The following HPGDS variants were observed in gnomAD, a reference collection of about 807,000 sequenced individuals.
HPGDS encodes the protein GST class-sigma.
Under a neutral mutation model 23.1 loss-of-function variants are expected in HPGDS, and 26 were observed. The ratio of observed to expected loss-of-function variants is 1.13; its 90% CI spans 0.83 to 1.56. HPGDS has a LOEUF of 1.56. Among genes scored for constraint, HPGDS ranks in the 40% most tolerant of loss-of-function variants. The pLI is 0.00. For synonymous variants in HPGDS, 95 were observed against 77.9 expected (o/e 1.22, Z -1.16); for missense variants, 268 against 236.4 (o/e 1.13, Z -0.88).
intron 3 of HPGDS, among the ~76,000 whole-genome samples, chr4:94,312,052 G>T (rs1400029268): frequency 3.3e-5 from 5 of 152,112 alleles, no homozygotes. Flanking sequence ...AGTGTTGCCA[G>T]CAGTCTATCA....
At chr4:94,322,681 C>A (rs1756540283) in intron 2 of HPGDS, among the ~76,000 whole-genome samples, 1 of 152,124 alleles carries the variant, frequency 6.6e-6, no homozygotes, top group African/African-American at 2.4e-5. Context: ...TGCTAGCAGT[C>A]TATCAATTTT....
At chr4:94,311,216 G>T (rs930220083) in intron 3 of HPGDS, among the ~76,000 whole-genome samples, 4 of 152,052 alleles carry the variant, frequency 2.6e-5, no homozygotes, top group Non-Finnish European at 5.9e-5. Flanking sequence ...TCTTGTGCCA[G>T]TTTTCAAAGG....
chr4:94,334,504 G>T lies in HPGDS; in HGVS notation c.126C>A (p.Ile42=). 2 of 1,589,410 alleles carry T rather than the reference G, an allele frequency of 1.3e-6. No homozygotes were observed. Among genetic ancestry groups the T allele is most frequent in the East Asian group, 2.3e-5 (1 of 43,716 alleles). The change falls in exon 2 of 6, where the codon ATC becomes ATA. Residue 42 remains isoleucine, a synonymous_variant. Transcript: ENST00000295256. ...HRIEQADWPE[I]KSTLPFGKIP... is the part of the protein sequence containing the mutation. ...ATTATTTTTGCTACTTACTTGATTTGATTTCAGGCCAGTCAGCTTGTTCTA... is the reference window on the plus strand; with the variant it reads ...ATTATTTTTGCTACTTACTTGATTTTATTTCAGGCCAGTCAGCTTGTTCTA...
At chr4:94,307,510 T>C (rs369723368) in intron 4 of HPGDS, among the ~76,000 whole-genome samples, 6 of 152,038 alleles carry the variant, frequency 3.9e-5, no homozygotes, top group African/African-American at 1.4e-4. Flanking sequence ...AAATAAACAA[T>C]GGAGTAAACA....
chr4:94,340,301 C>CTTTTTTTTT (rs763895285), intron 1 of HPGDS, among the ~76,000 whole-genome samples: 1 of 32,172 alleles, frequency 3.1e-5, no homozygotes, highest in African/African-American at 1.1e-4. Context: ...TTCTTTCTTT[C>CTTTTTTTTT]TTTCTTTCTC....
At chr4:94,310,676 G>C (rs948609785) in intron 3 of HPGDS, among the ~76,000 whole-genome samples, 12 of 152,154 alleles carry the variant, frequency 7.9e-5, no homozygotes, top group African/African-American at 2.7e-4. Context: ...TGTGAAGAAA[G>C]TCACTGGTAG....
At chr4:94,341,913 C>T (rs954713816) in intron 1 of HPGDS, among the ~76,000 whole-genome samples, 5 of 152,184 alleles carry the variant, frequency 3.3e-5, no homozygotes, top group African/African-American at 1.2e-4. Flanking sequence ...CATATACTGA[C>T]ATTAAAACAG....
intron 3 of HPGDS, among the ~76,000 whole-genome samples, chr4:94,312,958 C>T (rs1216987152): frequency 6.5e-4 from 95 of 145,594 alleles, no homozygotes; most frequent in Admixed American, 1.1e-3. Context: ...AGGATTGCAA[C>T]CCCTGCTTTT....
rs28549827 is a variant in HPGDS, at chr4:94,336,476, G to A, written c.-9-1838C>T. Among the ~76,000 whole-genome samples the A allele has an allele frequency of 5.5e-3, 844 of 152,258 alleles. 2 individuals are homozygous for A. Among genetic ancestry groups the A allele is most frequent in the Admixed American group, 0.012 (180 of 15,294 alleles). Reference sequence around the variant, plus strand: ...TGAAGCTGGTGCTCCTTGCTAAAACGAGAGAGCTACTGCCAATCATTCCTG... The same window carrying A: ...TGAAGCTGGTGCTCCTTGCTAAAACAAGAGAGCTACTGCCAATCATTCCTG... On this transcript the variant is annotated intron_variant, in intron 1 of 5. Transcript: ENST00000295256.
At chr4:94,309,126 T>A (rs1756204524) in intron 3 of HPGDS, among the ~76,000 whole-genome samples, 1 of 151,290 alleles carries the variant, frequency 6.6e-6, no homozygotes, top group Non-Finnish European at 1.5e-5. Flanking sequence ...TATTTTTTTA[T>A]TTTTTTAATT....
chr4:94,338,851 A>T (rs565407848), intron 1 of HPGDS, among the ~76,000 whole-genome samples: 114 of 152,324 alleles, frequency 7.5e-4, no homozygotes, highest in African/African-American at 2.6e-3. Flanking sequence ...ACTTCGAGAG[A>T]TTCTACAGAT....
intron 1 of HPGDS, among the ~76,000 whole-genome samples, chr4:94,336,919 A>G (rs1237407527): frequency 6.6e-6 from 1 of 150,962 alleles, no homozygotes; most frequent in African/African-American, 2.5e-5. Flanking sequence ...AAAAAGTTTG[A>G]TTATTAGTTG....
chr4:94,322,467 A>T (rs1400231956), intron 2 of HPGDS, among the ~76,000 whole-genome samples: 1 of 152,178 alleles, frequency 6.6e-6, no homozygotes, highest in Admixed American at 6.5e-5. Flanking sequence ...TCAGGGATTC[A>T]ACTTCTTCCT....
chr4:94,323,422 C>G (rs1375224851), intron 2 of HPGDS, among the ~76,000 whole-genome samples: 2 of 152,134 alleles, frequency 1.3e-5, no homozygotes, highest in Non-Finnish European at 2.9e-5. Context: ...TCTCTAAGGA[C>G]TTGGTTTATG....
intron 2 of HPGDS, among the ~76,000 whole-genome samples, chr4:94,333,874 G>A (rs956984102): frequency 6.6e-6 from 1 of 152,198 alleles, no homozygotes; most frequent in Non-Finnish European, 1.5e-5. Flanking sequence ...AATCCCATGT[G>A]TAAATTCCAA....
chr4:94,300,405 T>C (rs1756017072), intron 5 of HPGDS, among the ~76,000 whole-genome samples: 1 of 152,242 alleles, frequency 6.6e-6, no homozygotes, highest in African/African-American at 2.4e-5. Flanking sequence ...CTAATCTGTA[T>C]GCTGTTACTT....
intron 3 of HPGDS, among the ~76,000 whole-genome samples, chr4:94,313,281 GTTCCA>G (rs1756320009): frequency 6.6e-6 from 1 of 152,184 alleles, no homozygotes; most frequent in Admixed American, 6.5e-5. Flanking sequence ...GGTACTGGTT[GTTCCA>G]TTCCATGTTT....
intron 1 of HPGDS, among the ~76,000 whole-genome samples, chr4:94,336,536 A>G (rs1168191496): frequency 6.6e-6 from 1 of 151,822 alleles, no homozygotes; most frequent in African/African-American, 2.4e-5. Flanking sequence ...TCCCCACCCA[A>G]CTGAGATGTA....
intron 1 of HPGDS, among the ~76,000 whole-genome samples, chr4:94,340,464 G>A (rs954042245): frequency 1.3e-4 from 19 of 143,438 alleles, no homozygotes; most frequent in African/African-American, 3.6e-4. Flanking sequence ...TCAGCTTCCC[G>A]AGTAGCTGGG....
Sources: allele counts gnomAD v4.1 joint callset (sites outside exome capture counted in the v4.1 genomes callset), GRCh38; gene constraint gnomAD v4.1.1; transcripts MANE v1.5; gene names NCBI Gene and HGNC (gene_info 2026-07-23, HGNC 2026-07-21).